The following SLC35D2 variants were observed in gnomAD, a reference collection of about 807,000 sequenced individuals.
The protein encoded by SLC35D2 is solute carrier family 35 member D2, also known as nucleotide sugar transporter SLC35D2.
In SLC35D2, 43 loss-of-function variants were observed where a neutral mutation model predicts 41.8. That is an observed-to-expected ratio of 1.03 (90% CI 0.81 to 1.33). The LOEUF (loss-of-function observed/expected upper bound fraction) is 1.33, where lower values mean the gene tolerates loss of function less well. SLC35D2 is among the 40% of genes most tolerant of loss of function. SLC35D2 has a pLI of 0.00. For missense variants in SLC35D2, 380 were observed against 408.4 expected, an observed-to-expected ratio of 0.93 and a Z score of 0.60; for synonymous variants, 150 against 163.9, an observed-to-expected ratio of 0.92 and a Z score of 0.65.
intron 1 of SLC35D2, among the ~76,000 whole-genome samples, chr9:96,374,544 A>C (rs889782857): frequency 1.3e-5 from 2 of 149,564 alleles, no homozygotes; most frequent in African/African-American, 2.5e-5. Flanking sequence ...AAAAAAAAAA[A>C]AAAAAGTAGG....
At chr9:96,317,895 T>C (rs1329186134), downstream of SLC35D2, among the ~76,000 whole-genome samples, 7 of 148,244 alleles carry the variant, frequency 4.7e-5, no homozygotes, top group Non-Finnish European at 1.0e-4. Context: ...TAGCCAGGCG[T>C]AGTGGCGTAC....
chr9:96,334,529 T>G (rs2130873678), intron 9 of SLC35D2, among the ~76,000 whole-genome samples: 3 of 152,006 alleles, frequency 2.0e-5, no homozygotes, highest in Admixed American at 2.0e-4. Context: ...TCCCAGCTAC[T>G]CAGGAGGCTG....
intron 9 of SLC35D2, among the ~76,000 whole-genome samples, chr9:96,326,794 A>G (rs953975375): frequency 6.9e-6 from 1 of 145,664 alleles, no homozygotes; most frequent in Admixed American, 7.0e-5. Flanking sequence ...CAACAGAGCG[A>G]GACTCTGTCT....
chr9:96,332,949 A>G (rs1398304375), intron 9 of SLC35D2, among the ~76,000 whole-genome samples: 2 of 146,860 alleles, frequency 1.4e-5, no homozygotes, highest in East Asian at 4.2e-4. Flanking sequence ...GCGAGGCTGT[A>G]GTACAGTGGC....
intron 8 of SLC35D2, among the ~76,000 whole-genome samples, chr9:96,338,179 C>G (rs1486067925): frequency 6.6e-6 from 1 of 151,924 alleles, no homozygotes; most frequent in Admixed American, 6.6e-5. Context: ...ATAACATGAT[C>G]GAATATAAGT....
chr9:96,351,070 A>T (rs1266791653), intron 6 of SLC35D2, 33 bp downstream of exon 6: 1 of 1,509,546 alleles, frequency 6.6e-7, no homozygotes, highest in Non-Finnish European at 9.2e-7. Context: ...AGACACAAAG[A>T]AGTTATTGAG....
chr9:96,348,421 G>A lies in SLC35D2; in HGVS notation c.488+2682C>T, dbSNP rs150924395. Among the ~76,000 whole-genome samples the A allele has an allele frequency of 1.4e-3, 214 of 152,256 alleles. 1 individual carries two copies. The highest frequency in any genetic ancestry group is 4.6e-3 in the African/African-American group (192 of 41,556). On this transcript the variant is annotated intron_variant, in intron 6 of 11. Coordinates refer to ENST00000253270, the MANE Select transcript of SLC35D2 (RefSeq NM_007001.3). ...AGTGAACACATGGAGCAGAGCCCTCGCACTAGCACTGCCTAGTGTTGGACA... is the reference window on the plus strand; with the variant it reads ...AGTGAACACATGGAGCAGAGCCCTCACACTAGCACTGCCTAGTGTTGGACA...
Position 96,351,185 on chromosome 9 carries a change from A to G in SLC35D2, c.420-14T>C. 1 of 1,562,550 alleles carries G rather than the reference A, an allele frequency of 6.4e-7. No individual in the cohort carries two copies. The highest frequency in any genetic ancestry group is 1.4e-5 in the African/African-American group (1 of 73,990). On this transcript the variant is annotated splice_polypyrimidine_tract_variant and intron_variant, in intron 5 of 11. Coordinates refer to ENST00000253270, the MANE Select transcript of SLC35D2 (RefSeq NM_007001.3). ...GAATACTGCTTCCTGTAATAAATACACAAATAAGAAAGGAAAGGGAGCAGA... is the reference window on the plus strand; with the variant it reads ...GAATACTGCTTCCTGTAATAAATACGCAAATAAGAAAGGAAAGGGAGCAGA...
At chr9:96,379,527 A>G (rs1341684438) in intron 1 of SLC35D2, among the ~76,000 whole-genome samples, 1 of 152,204 alleles carries the variant, frequency 6.6e-6, no homozygotes, top group Non-Finnish European at 1.5e-5. Context: ...AAAATGAAAG[A>G]GGAAAAAGTA....
intron 8 of SLC35D2, 62 bp from the exon 9 acceptor site, chr9:96,336,846 GT>G: frequency 1.0e-6 from 1 of 985,874 alleles, no homozygotes; most frequent in Non-Finnish European, 1.5e-6. Context: ...AAATTTACTG[GT>G]TTTACCAAAC....
chr9:96,332,034 T>C (rs1828833184), intron 9 of SLC35D2, among the ~76,000 whole-genome samples: 1 of 152,236 alleles, frequency 6.6e-6, no homozygotes, highest in Non-Finnish European at 1.5e-5. Context: ...TGGTTTACAG[T>C]GTCTTTCAGG....
intron 3 of SLC35D2, among the ~76,000 whole-genome samples, chr9:96,364,022 T>A (rs1472003444): frequency 6.6e-6 from 1 of 152,154 alleles, no homozygotes. Context: ...ACAGTCTTTA[T>A]TAAAGTTTCT....
intron 1 of SLC35D2, among the ~76,000 whole-genome samples, chr9:96,381,308 G>T (rs1194043508): frequency 6.6e-6 from 1 of 152,192 alleles, no homozygotes; most frequent in African/African-American, 2.4e-5. Flanking sequence ...GACACCTTGC[G>T]TGGCTCCCAT....
At chr9:96,371,202 T>C (rs1423187395) in intron 1 of SLC35D2, among the ~76,000 whole-genome samples, 1 of 152,084 alleles carries the variant, frequency 6.6e-6, no homozygotes, top group African/African-American at 2.4e-5. Flanking sequence ...CAGTGGCTCA[T>C]GCCTGTAATC....
At chr9:96,323,984 C>T (rs1334775462) in intron 10 of SLC35D2, 107 bp downstream of exon 10, 31 of 917,732 alleles carry the variant, frequency 3.4e-5, no homozygotes, top group Admixed American at 2.5e-4. Context: ...TCACAGCCCT[C>T]GTTCTTACAC....
Position 96,346,069 on chromosome 9 carries a change from G to A in SLC35D2, c.489-668C>T, listed in dbSNP as rs114542053. ...GTGGCCCACCCACCTGCACTTGATCGTTGCAGACAGTGCTAGGCCATGTCA... is the reference window on the plus strand; with the variant it reads ...GTGGCCCACCCACCTGCACTTGATCATTGCAGACAGTGCTAGGCCATGTCA... On this transcript the variant is annotated intron_variant, in intron 6 of 11. Coordinates refer to ENST00000253270, the MANE Select transcript of SLC35D2 (RefSeq NM_007001.3). Among the ~76,000 whole-genome samples the A allele has an allele frequency of 8.4e-3, 1,281 of 152,306 alleles. 15 individuals carry two copies. The highest frequency in any genetic ancestry group is 0.029 in the African/African-American group (1,203 of 41,558).
downstream of SLC35D2, among the ~76,000 whole-genome samples, chr9:96,318,752 T>C (rs775872047): frequency 6.6e-6 from 1 of 151,790 alleles, no homozygotes; most frequent in Non-Finnish European, 1.5e-5. Context: ...TGCCCAGGAG[T>C]TGCAGACCAT....
chr9:96,322,252 C>T (rs1419643271), intron 10 of SLC35D2, among the ~76,000 whole-genome samples, 172 bp from the exon 11 acceptor site: 1 of 152,214 alleles, frequency 6.6e-6, no homozygotes, highest in African/African-American at 2.4e-5. Context: ...GGAATGATGG[C>T]TCACGCCTGT....
chr9:96,354,434 A>G (rs1224209534), intron 4 of SLC35D2, among the ~76,000 whole-genome samples: 1 of 152,192 alleles, frequency 6.6e-6, no homozygotes, highest in Non-Finnish European at 1.5e-5. Context: ...CGAATATACA[A>G]AAGTCAACTC....
Sources: gnomAD v4.1 joint callset for allele counts (sites outside exome capture counted in the v4.1 genomes callset) on GRCh38, gnomAD v4.1.1 for gene constraint, MANE v1.5 for transcripts, NCBI Gene and HGNC (gene_info 2026-07-23, HGNC 2026-07-21) for gene names.